C9orf50: variants seen among roughly 807,000 people sequenced by gnomAD.
C9orf50 encodes the protein uncharacterized protein C9orf50.
Under a neutral mutation model 42.5 loss-of-function variants are expected in C9orf50, and 33 were observed. The ratio of observed to expected loss-of-function variants is 0.78; its 90% CI spans 0.59 to 1.04. The LOEUF (loss-of-function observed/expected upper bound fraction) is 1.04. Among genes scored for constraint, C9orf50 ranks in the 50% least tolerant of loss-of-function variants. C9orf50 has a pLI of 0.00. For missense variants in C9orf50, 547 were observed against 594.3 expected (o/e 0.92, Z 0.83); for synonymous variants, 257 against 273.4 (o/e 0.94, Z 0.59).
intron 3 of C9orf50, among the ~76,000 whole-genome samples, 195 bp from the exon 4 acceptor site, chr9:129,615,842 C>T (rs1436930646): frequency 6.6e-6 from 1 of 152,242 alleles, no homozygotes; most frequent in East Asian, 1.9e-4. Context: ...CGCACATACA[C>T]CAACCCACCA....
At position 129,613,661 on chromosome 9, in the gene C9orf50, T is replaced by G; in HGVS notation, c.881-64A>C. The G allele has an allele frequency of 1.9e-6, 3 of 1,594,396 alleles. No homozygotes were observed. Among genetic ancestry groups the G allele is most frequent in the Non-Finnish European group, 2.6e-6 (3 of 1,167,566 alleles). On this transcript the variant is annotated intron_variant, in intron 4 of 6. Coordinates refer to ENST00000372478, the Ensembl canonical transcript of C9orf50. This position sits in a 1 kb window ranked among gnomAD's most constrained non-coding sequence, Gnocchi z 6.2. ...GGAGGGCACTGGTGCCCCCACCCTC[T>G]TTTCCTCCCTCTGGCAGGCAGGGCC...
At chr9:129,616,849 G>C (rs1348459165) in intron 3 of C9orf50, among the ~76,000 whole-genome samples, 1 of 152,124 alleles carries the variant, frequency 6.6e-6, no homozygotes, top group African/African-American at 2.4e-5. Flanking sequence ...GAGGCAGGCA[G>C]ATCAAAAGGT....
At chr9:129,619,888 TG>T (rs1180996176) in intron 1 of C9orf50, 58 bp from the exon 2 acceptor site, 8 of 1,579,472 alleles carry the variant, frequency 5.1e-6, no homozygotes, top group Admixed American at 3.4e-5. Context: ...TTTCTAGTCA[TG>T]TGGCCTCGGG....
In C9orf50 at chr9:129,619,601, T is replaced by TAG; in HGVS notation, c.634_635insCT (p.Lys212ThrfsTer14). On this transcript the variant is annotated frameshift_variant, in exon 3 of 7. Transcript: ENST00000372478. LOFTEE classifies it high-confidence loss of function. ...AATAGGTGTCTGCTGGAGCGAAATC[T>TAG]TCGTAAGACTATCCTGGAGGTGCGA... is the stretch of plus-strand genomic sequence containing the variant. The TAG allele has an allele frequency of 6.2e-7, 1 of 1,614,050 alleles. No homozygotes were observed. Among genetic ancestry groups the TAG allele is most frequent in the Middle Eastern group, 1.6e-4 (1 of 6,062 alleles).
intron 3 of C9orf50, among the ~76,000 whole-genome samples, chr9:129,618,643 A>C (rs1830507749): frequency 6.6e-6 from 1 of 152,096 alleles, no homozygotes; most frequent in Non-Finnish European, 1.5e-5. Flanking sequence ...GGATCAATGG[A>C]TGGATGGATA....
Position 129,620,689 on chromosome 9 carries a change from C to T in C9orf50, c.-115G>A. ...CCATAGTGCCCCGGGCGGGGCAGCG[C>T]GGTGCGGGGTGAACGCCACCGGCCC... is the stretch of plus-strand genomic sequence containing the variant. On this transcript the variant is annotated 5_prime_UTR_variant, in exon 1 of 7. Coordinates refer to ENST00000372478, the Ensembl canonical transcript of C9orf50. This position sits in a 1 kb window ranked among gnomAD's most constrained non-coding sequence, Gnocchi z 5.8. 2.0e-6 allele frequency: 2 copies of T among 999,866 alleles called. No homozygotes were observed. The highest frequency in any genetic ancestry group is 2.6e-6 in the Non-Finnish European group (2 of 776,670). 61.9% of individuals were successfully genotyped at this position (999,866 alleles called of 1,614,324 possible).
chr9:129,619,321 G>A (rs749090122), intron 3 of C9orf50, among the ~76,000 whole-genome samples, 199 bp downstream of exon 3: 5 of 152,140 alleles, frequency 3.3e-5, no homozygotes, highest in Non-Finnish European at 5.9e-5. Context: ...TTAATGGATG[G>A]GTTGATTCAT....
At position 129,612,962 on chromosome 9, in the gene C9orf50, C is replaced by T. The variant is rs934803187; in HGVS notation, c.1188+145G>A. On this transcript the variant is annotated intron_variant, in intron 6 of 6. Transcript: ENST00000372478. Reference sequence around the variant, plus strand: ...GGAGATGCAGGAACACAGGGCGTGGCCACTGCAAGCCCCCACGGTGACTTG... The same window carrying T: ...GGAGATGCAGGAACACAGGGCGTGGTCACTGCAAGCCCCCACGGTGACTTG... The T allele has an allele frequency of 4.0e-6, 4 of 998,944 alleles. No individual in the cohort carries two copies. The African/African-American group carries it at 4.9e-5, about 12-fold the overall frequency. 61.9% of individuals were successfully genotyped at this position (998,944 alleles called of 1,614,324 possible). A position where few individuals can be genotyped will look rare whatever the true frequency, so the allele number is the denominator to read the frequency against.
At position 129,613,628 on chromosome 9, in the gene C9orf50, G is replaced by A; in HGVS notation, c.881-31C>T. ...GGAAAGAGGGCAGGGTGAGATCTCT[G>A]CCCAGGAGGAGGGCACTGGTGCCCC... is the stretch of plus-strand genomic sequence containing the variant. On this transcript the variant is annotated intron_variant, in intron 4 of 6. Transcript: ENST00000372478. This position sits in a 1 kb window ranked among gnomAD's most constrained non-coding sequence, Gnocchi z 6.2. 6.2e-7 allele frequency: 1 copy of A among 1,613,078 alleles called. No individual in the cohort carries two copies. Among genetic ancestry groups the A allele is most frequent in the Non-Finnish European group, 8.5e-7 (1 of 1,179,498 alleles).
At position 129,620,342 on chromosome 9, in the gene C9orf50, G is replaced by A; in HGVS notation, c.233C>T (p.Pro78Leu). 1 of 1,230,006 alleles carries A rather than the reference G, an allele frequency of 8.1e-7. No individual in the cohort carries two copies. Among genetic ancestry groups the A allele is most frequent in the Non-Finnish European group, 1.0e-6 (1 of 986,316 alleles). The allele number at this position is 1,230,006 out of a possible 1,614,324, so 76.2% of individuals were successfully genotyped here. A position where few individuals can be genotyped will look rare whatever the true frequency, so the allele number is the denominator to read the frequency against. ...CGCGGTGAGCAAGGCGGGCAGGCGC[G>A]GCGGGAGGCGTCCGACGCCCACCCC... Residue 78 changes from proline (P) to leucine (L), a missense_variant, in exon 1 of 7, where the codon CCG (proline) becomes CTG (leucine). Around this residue, in one of 3 missense-constraint regions of C9orf50, gnomAD observed 108 missense variants for 172.1 expected, o/e 0.63. Transcript: ENST00000372478. The surrounding 1 kb of genome is among the most constrained non-coding windows in gnomAD (Gnocchi z 5.8).
Position 129,620,683 on chromosome 9 carries a change from G to C in C9orf50, c.-109C>G, listed in dbSNP as rs1830659358. ...CCCAGGCCATAGTGCCCCGGGCGGG[G>C]CAGCGCGGTGCGGGGTGAACGCCAC... On this transcript the variant is annotated 5_prime_UTR_variant, in exon 1 of 7. Coordinates refer to ENST00000372478, the Ensembl canonical transcript of C9orf50. The surrounding 1 kb of genome is among the most constrained non-coding windows in gnomAD (Gnocchi z 5.8). The C allele has an allele frequency of 9.5e-6, 10 of 1,050,666 alleles. No individual in the cohort carries two copies. The highest frequency in any genetic ancestry group is 1.2e-5 in the Non-Finnish European group (10 of 822,866). The allele number at this position is 1,050,666 out of a possible 1,614,324, so 65.1% of individuals were successfully genotyped here.
exon 3 of C9orf50, chr9:129,619,556 T>C (rs1475320266): frequency 8.1e-6 from 13 of 1,614,086 alleles, no homozygotes; most frequent in Non-Finnish European, 1.1e-5. Context: ...TTGTGAGTGA[T>C]CACCCTTCAG....
chr9:129,616,509 C>T (rs1032499416), intron 3 of C9orf50, among the ~76,000 whole-genome samples: 28 of 152,312 alleles, frequency 1.8e-4, no homozygotes, highest in South Asian at 6.2e-4. Context: ...AGCCACCGCC[C>T]GCCCGCCTGC....
Position 129,617,975 on chromosome 9 carries a change from T to C in C9orf50, c.716+1545A>G, listed in dbSNP as rs112156615. 1.6e-3 allele frequency among the ~76,000 whole-genome samples: 242 copies of C among 152,298 alleles called. 3 individuals carry two copies. The highest frequency in any genetic ancestry group is 5.2e-3 in the African/African-American group (215 of 41,570). ...CTGGGATTATAGGCATGAGCCACCA[T>C]GCTTGGCCATGTGTTCCATTTCTAG... is the stretch of plus-strand genomic sequence containing the variant. On this transcript the variant is annotated intron_variant, in intron 3 of 6. Transcript: ENST00000372478.
At chr9:129,619,618 G>C (rs1830570110) in exon 3 of C9orf50, 2 of 1,614,070 alleles carry the variant, frequency 1.2e-6, no homozygotes, top group Non-Finnish European at 1.7e-6. Flanking sequence ...GACTATCCTG[G>C]AGGTGCGATG....
rs1830234720 is a variant in C9orf50 at position 129,614,200 on chromosome 9, C to T, written c.881-603G>A. ...CCTGGCCTTGGATTCCCAAGAGGGGCCCGGGGTCACTCTGGCTTCTATATG... is the reference window on the plus strand; with the variant it reads ...CCTGGCCTTGGATTCCCAAGAGGGGTCCGGGGTCACTCTGGCTTCTATATG... On this transcript the variant is annotated intron_variant, in intron 4 of 6. Transcript: ENST00000372478. The surrounding 1 kb of genome is among the most constrained non-coding windows in gnomAD (Gnocchi z 4.4). Among the ~76,000 whole-genome samples the T allele has an allele frequency of 6.6e-6, 1 of 152,172 alleles. No individual in the cohort carries two copies. Among genetic ancestry groups the T allele is most frequent in the South Asian group, 2.1e-4 (1 of 4,836 alleles).
At chr9:129,615,200 T>A (rs1032367836) in intron 4 of C9orf50, among the ~76,000 whole-genome samples, 3 of 152,160 alleles carry the variant, frequency 2.0e-5, no homozygotes, top group Admixed American at 6.5e-5. Flanking sequence ...GCTACGGGTC[T>A]CAAGGTGGGC....
chr9:129,620,452 T>C lies in C9orf50; in HGVS notation c.123A>G (p.Arg41=). Residue 41 remains arginine (R), a synonymous_variant, in exon 1 of 7, where the codon CGA becomes CGG. Transcript: ENST00000372478. The surrounding 1 kb of genome is among the most constrained non-coding windows in gnomAD (Gnocchi z 5.8). ...CGGAGCCCCGCGCGCCCAGAGCCGC[T>C]CGGAGCGCGGGCGGGGTCAGCTTGG... The C allele has an allele frequency of 7.6e-7, 1 of 1,318,574 alleles. No individual in the cohort carries two copies. The highest frequency in any genetic ancestry group is 2.0e-5 in the South Asian group (1 of 50,786). The allele number at this position is 1,318,574 out of a possible 1,614,324, so 81.7% of individuals were successfully genotyped here.
chr9:129,613,432 C>T lies in C9orf50; in HGVS notation c.1043+3G>A. The T allele has an allele frequency of 6.2e-7, 1 of 1,613,582 alleles. No homozygotes were observed. Among genetic ancestry groups the T allele is most frequent in the Non-Finnish European group, 8.5e-7 (1 of 1,179,822 alleles). On this transcript the variant is annotated splice_donor_region_variant and intron_variant, in intron 5 of 6. Coordinates refer to ENST00000372478, the Ensembl canonical transcript of C9orf50. The surrounding 1 kb of genome is among the most constrained non-coding windows in gnomAD (Gnocchi z 6.2). ...AGTCCCATCCGCTTCCCTGGAGCCTCACAGGCCAGCGCAGTCCCAACACGA... is the reference window on the plus strand; with the variant it reads ...AGTCCCATCCGCTTCCCTGGAGCCTTACAGGCCAGCGCAGTCCCAACACGA...
Sources: allele counts gnomAD v4.1 joint callset (sites outside exome capture counted in the v4.1 genomes callset), GRCh38; gene constraint gnomAD v4.1.1; regional missense constraint gnomAD v4.1.1; non-coding constraint Gnocchi (gnomAD v3.1); transcripts MANE v1.5; gene names NCBI Gene and HGNC (gene_info 2026-07-23, HGNC 2026-07-21).